SCEL: variants seen among roughly 807,000 people sequenced by gnomAD.
SCEL encodes sciellin.
SCEL carries 113 observed loss-of-function variants against 117.6 expected under a neutral mutation model. The observed-to-expected ratio is 0.96, with a 90% CI of 0.83 to 1.12. The LOEUF (loss-of-function observed/expected upper bound fraction) is 1.12. Ranked by LOEUF, SCEL falls within the 50% of genes most tolerant of loss-of-function variation. The pLI is 0.00. For missense variants in SCEL, 785 were observed against 810.8 expected (o/e 0.97, Z 0.39); for synonymous variants, 270 against 256.2 (o/e 1.05, Z -0.51).
At chr13:77,634,500 G>T in intron 29 of SCEL, 50 bp downstream of exon 29, 1 of 1,348,292 alleles carries the variant, frequency 7.4e-7, no homozygotes. Flanking sequence ...AATTTTGAAA[G>T]GATCTATGTT....
At position 77,577,809 on chromosome 13, in the gene SCEL, C is replaced by T. The variant is rs148729968; in HGVS notation, c.545+5620C>T. Among the ~76,000 whole-genome samples the T allele has an allele frequency of 5.3e-5, 8 of 152,204 alleles. No homozygotes were observed. The East Asian group carries it at 7.7e-4, about 15-fold the overall frequency. On this transcript the variant is annotated intron_variant, in intron 9 of 32. Transcript: ENST00000349847. ...AATATTGGCCATCCCTATTATTGGG[C>T]GTTTCTTGTTGGCTGATGTTTCTCT...
At chr13:77,545,836 C>T (rs1359463086) in intron 1 of SCEL, among the ~76,000 whole-genome samples, 1 of 152,214 alleles carries the variant, frequency 6.6e-6, no homozygotes, top group Non-Finnish European at 1.5e-5. Context: ...CTGGCTTGGG[C>T]CATCTGGCAG....
In SCEL at chr13:77,560,308, C is replaced by T. The variant is rs575987980; in HGVS notation, c.221+445C>T. On this transcript the variant is annotated intron_variant, in intron 4 of 32. Coordinates refer to ENST00000349847, the MANE Select transcript of SCEL (RefSeq NM_144777.3). ...AATTAATTAGCTAGGTGTGATGGTGCGCACCTGTCGTCCCAGCTACTCCAG... is the reference window on the plus strand; with the variant it reads ...AATTAATTAGCTAGGTGTGATGGTGTGCACCTGTCGTCCCAGCTACTCCAG... Among the ~76,000 whole-genome samples the T allele has an allele frequency of 4.0e-5, 6 of 150,586 alleles. No individual in the cohort carries two copies. In the East Asian group the frequency reaches 5.8e-4, roughly 15 times the overall value.
chr13:77,611,190 G>A (rs2154403035), intron 22 of SCEL, among the ~76,000 whole-genome samples: 1 of 152,250 alleles, frequency 6.6e-6, no homozygotes, highest in Admixed American at 6.5e-5. Flanking sequence ...TTTTTAACTA[G>A]TCATCTCTGC....
chr13:77,637,255 T>C (rs200284729), intron 30 of SCEL, 61 bp downstream of exon 30: 16,429 of 371,128 alleles, frequency 0.044, 677 homozygotes, highest in East Asian at 0.13. Flanking sequence ...CACACACATA[T>C]ATATATATAT....
chr13:77,591,052 A>T (rs1343376402), intron 10 of SCEL, among the ~76,000 whole-genome samples: 1 of 152,166 alleles, frequency 6.6e-6, no homozygotes, highest in Admixed American at 6.5e-5. Context: ...TTTGATGCCC[A>T]TAACAAAAAT....
intron 14 of SCEL, 119 bp downstream of exon 14, chr13:77,599,507 G>T: frequency 3.3e-6 from 3 of 912,480 alleles, no homozygotes; most frequent in Non-Finnish European, 5.3e-6. Flanking sequence ...GGCAGATGGG[G>T]TAGTGCTCTC....
chr13:77,611,164 G>A (rs2088620349), intron 22 of SCEL, among the ~76,000 whole-genome samples: 2 of 152,122 alleles, frequency 1.3e-5, no homozygotes. Flanking sequence ...TGGTTTCAGG[G>A]ACAAAATTGT....
Position 77,633,717 on chromosome 13 carries a change from A to T in SCEL, c.1692-662A>T, listed in dbSNP as rs138276859. 2.4e-3 allele frequency among the ~76,000 whole-genome samples: 360 copies of T among 152,258 alleles called. 2 individuals carry two copies. The highest frequency in any genetic ancestry group is 8.1e-3 in the African/African-American group (338 of 41,546). ...AGTCAACTGCAGAATAAATGACAGG[A>T]CTATTCTCCCTTTGTTTATAAAAAT... is the stretch of plus-strand genomic sequence containing the variant. On this transcript the variant is annotated intron_variant, in intron 28 of 32. Transcript: ENST00000349847.
At chr13:77,623,868 G>A (rs1415925526) in intron 27 of SCEL, among the ~76,000 whole-genome samples, 1 of 152,192 alleles carries the variant, frequency 6.6e-6, no homozygotes, top group African/African-American at 2.4e-5. Flanking sequence ...ATGTAATCAC[G>A]TTGTGAGGGT....
chr13:77,588,774 G>C (rs1300828596), intron 9 of SCEL, among the ~76,000 whole-genome samples: 1 of 152,064 alleles, frequency 6.6e-6, no homozygotes, highest in Non-Finnish European at 1.5e-5. Context: ...CCCCAAAGAA[G>C]CTTATATATT....
chr13:77,637,817 A>G (rs927801518), intron 30 of SCEL, among the ~76,000 whole-genome samples: 20 of 152,148 alleles, frequency 1.3e-4, no homozygotes, highest in Non-Finnish European at 1.2e-4. Flanking sequence ...CTCAGTTCCC[A>G]GGAGTGGAGT....
At chr13:77,567,324 C>T (rs948224310) in intron 5 of SCEL, among the ~76,000 whole-genome samples, 3 of 152,140 alleles carry the variant, frequency 2.0e-5, no homozygotes, top group South Asian at 4.2e-4. Flanking sequence ...CGTAGGGGTG[C>T]GTGCCTGTAG....
At chr13:77,610,139 C>CTTT in intron 22 of SCEL, 33 bp downstream of exon 22, 1 of 1,444,716 alleles carries the variant, frequency 6.9e-7, no homozygotes, top group African/African-American at 1.4e-5. Context: ...TTTCTCCCCC[C>CTTT]TTTTTTTTTC....
chr13:77,582,374 G>A (rs905346920), intron 9 of SCEL, among the ~76,000 whole-genome samples: 14 of 151,928 alleles, frequency 9.2e-5, no homozygotes, highest in Admixed American at 7.9e-4. Context: ...CTACAGGTGC[G>A]TGCCACCACG....
intron 27 of SCEL, 61 bp from the exon 28 acceptor site, chr13:77,627,886 C>T: frequency 1.5e-6 from 1 of 670,360 alleles, no homozygotes; most frequent in Non-Finnish European, 2.4e-6. Flanking sequence ...AATGTTTTAG[C>T]ATTTTCTTAT....
intron 9 of SCEL, among the ~76,000 whole-genome samples, chr13:77,576,229 G>T (rs1196169147): frequency 6.6e-6 from 1 of 152,108 alleles, no homozygotes; most frequent in African/African-American, 2.4e-5. Flanking sequence ...ATATCAGTCT[G>T]TATGATCTTG....
rs545679193 is a variant in SCEL, at chr13:77,604,379, T to A, written c.1121T>A (p.Ile374Asn). The A allele has an allele frequency of 5.1e-6, 8 of 1,578,430 alleles. No homozygotes were observed. In the African/African-American group the frequency reaches 1.1e-4, roughly 22 times the overall value. The change falls in exon 19 of 33, where the codon ATT becomes AAT. Residue 374 changes from isoleucine (I) to asparagine (N), a missense_variant. Ile to Asn is a moderately radical substitution (Grantham distance 149, BLOSUM62 -3). Transcript: ENST00000349847. ...TTGKKDLDGL[I>N]KVDPETNKNI... Reference sequence around the variant, plus strand: ...AGAAAAAAAGACCTTGATGGGCTTATTAAAGTGGATCCTGAAACAAATAAA... The same window carrying A: ...AGAAAAAAAGACCTTGATGGGCTTAATAAAGTGGATCCTGAAACAAATAAA...
intron 12 of SCEL, 60 bp downstream of exon 12, chr13:77,593,633 A>C: frequency 3.2e-6 from 4 of 1,248,992 alleles, no homozygotes; most frequent in Non-Finnish European, 4.7e-6. Context: ...AAAAATGCTT[A>C]ACCACACCTT....
Sources: allele counts gnomAD v4.1 joint callset (sites outside exome capture counted in the v4.1 genomes callset), GRCh38; gene constraint gnomAD v4.1.1; transcripts MANE v1.5; gene names NCBI Gene and HGNC (gene_info 2026-07-23, HGNC 2026-07-21).